Variants in RFX3 observed in about 807,000 individuals in gnomAD.
The protein encoded by RFX3 is transcription factor RFX3.
RFX3 carries 14 observed loss-of-function variants against 98.6 expected under a neutral mutation model. The ratio of observed to expected loss-of-function variants is 0.14; its 90% confidence interval spans 0.09 to 0.22. The LOEUF (loss-of-function observed/expected upper bound fraction) is 0.22. Ranked by LOEUF, RFX3 falls within the 10% of genes least tolerant of loss-of-function variation. The pLI is 1.00. For missense variants in RFX3, 639 were observed against 926.9 expected, an observed-to-expected ratio of 0.69 and a Z score of 4.03; for synonymous variants, 383 against 328.4, an observed-to-expected ratio of 1.17 and a Z score of -1.80.
At chr9:3,374,660 C>T (rs949280522) in intron 2 of RFX3, among the ~76,000 whole-genome samples, 3 of 151,980 alleles carry the variant, frequency 2.0e-5, no homozygotes, top group Non-Finnish European at 4.4e-5. Flanking sequence ...CTAGGGAAGC[C>T]AAATTCATAG....
At chr9:3,248,250 T>A in intron 14 of RFX3, 65 bp from the exon 15 acceptor site, 1 of 1,485,464 alleles carries the variant, frequency 6.7e-7, no homozygotes, top group Non-Finnish European at 8.9e-7. Context: ...TTCTACCTAT[T>A]TTTCCTCTTA....
intron 9 of RFX3, 59 bp from the exon 10 acceptor site, chr9:3,271,177 G>T: frequency 1.4e-6 from 2 of 1,442,540 alleles, no homozygotes; most frequent in South Asian, 2.3e-5. Flanking sequence ...ACTGTGTGAG[G>T]ACAGTCTAAC....
chr9:3,333,820 G>C (rs1832861562), intron 3 of RFX3, among the ~76,000 whole-genome samples: 1 of 152,148 alleles, frequency 6.6e-6, no homozygotes, highest in Admixed American at 6.5e-5. Context: ...CTAGTAAGTA[G>C]ATTTCTCAAA....
intron 6 of RFX3, among the ~76,000 whole-genome samples, chr9:3,292,102 T>TAAAAAAA (rs1827461275): frequency 1.2e-5 from 1 of 84,038 alleles, no homozygotes; most frequent in Admixed American, 1.4e-4. Flanking sequence ...AAAAAAAAAC[T>TAAAAAAA]CTTTACGAAA....
rs369553028 is a variant in RFX3 at position 3,394,880 on chromosome 9, T to A, written c.117+592A>T. ...ATCTTTCCAAACAAGCCAACTGCCC[T>A]GCGTATGAATAAGACCTGTAGTAAA... On this transcript the variant is annotated intron_variant, in intron 2 of 16. Transcript: ENST00000617270. The A allele has an allele frequency of 2.2e-5, 22 of 979,020 alleles. No individual in the cohort carries two copies. The East Asian group carries it at 8.0e-4, about 35-fold the overall frequency. 60.6% of individuals were successfully genotyped at this position (979,020 alleles called of 1,614,324 possible).
intron 3 of RFX3, among the ~76,000 whole-genome samples, chr9:3,342,270 TA>T (rs922518747): frequency 1.6e-4 from 24 of 152,296 alleles, no homozygotes; most frequent in African/African-American, 5.8e-4. Flanking sequence ...TCAGAGCTTT[TA>T]AAAGGGTAAC....
intron 15 of RFX3, among the ~76,000 whole-genome samples, chr9:3,235,074 G>A (rs920076844): frequency 3.0e-4 from 46 of 152,220 alleles, no homozygotes; most frequent in African/African-American, 1.1e-3. Context: ...GTACGCATTC[G>A]TGGATGAAGA....
intron 3 of RFX3, among the ~76,000 whole-genome samples, chr9:3,334,932 A>C (rs13284120): frequency 0.16 from 24,707 of 151,680 alleles, 2,036 homozygotes; most frequent in Middle Eastern, 0.23. Flanking sequence ...CCAGCCTGGC[A>C]AACACGGTGA....
chr9:3,366,722 C>CTTTCTTTCTTTCTTTCTTTCTTTCT (rs1837230485), intron 2 of RFX3, among the ~76,000 whole-genome samples: 1 of 90,758 alleles, frequency 1.1e-5, no homozygotes, highest in African/African-American at 4.3e-5. Context: ...TTCTTTCTTT[C>CTTTCTTTCTTTCTTTCTTTCTTTCT]TTTCTTTCTT....
At chr9:3,276,951 T>A (rs560577484) in intron 8 of RFX3, among the ~76,000 whole-genome samples, 2 of 152,086 alleles carry the variant, frequency 1.3e-5, no homozygotes, top group Middle Eastern at 3.4e-3. Context: ...TTTATAAAAA[T>A]TTTTTTTCTA....
chr9:3,366,703 TTTCTTTCTTTCTTTC>T (rs1244774991), intron 2 of RFX3, among the ~76,000 whole-genome samples: 2 of 118,168 alleles, frequency 1.7e-5, no homozygotes, highest in East Asian at 2.7e-4. Flanking sequence ...CCTTTCTTTC[TTTCTTTCTTTCTTTC>T]TTTCTTTCTT....
At chr9:3,341,356 TAACA>T (rs1833870203) in intron 3 of RFX3, among the ~76,000 whole-genome samples, 1 of 151,850 alleles carries the variant, frequency 6.6e-6, no homozygotes, top group East Asian at 1.9e-4. Context: ...TATACATATG[TAACA>T]AACCTGCACA....
rs1441891734 is a variant in RFX3, at chr9:3,366,702, CTTTCTTTCTTTCTTTCT to C, written c.118-19955_118-19939del. Among the ~76,000 whole-genome samples the C allele has an allele frequency of 7.9e-5, 6 of 76,304 alleles. No individual in the cohort carries two copies. The South Asian group carries it at 1.6e-3, about 20-fold the overall frequency. 50.1% of individuals were successfully genotyped at this position (76,304 alleles called of 152,430 possible). On this transcript the variant is annotated intron_variant, in intron 2 of 16. Coordinates refer to ENST00000617270, the MANE Select transcript of RFX3 (RefSeq NM_001282116.2). ...TCTTTCTTCTTTCTTTCCTTTCTTT[CTTTCTTTCTTTCTTTCT>C]TTCTTTCTTTCTTTCTTTCTTTCTT...
chr9:3,392,726 GAA>G (rs149170854), intron 2 of RFX3, among the ~76,000 whole-genome samples: 1 of 150,612 alleles, frequency 6.6e-6, no homozygotes, highest in African/African-American at 2.4e-5. Context: ...AAGTTTCAGA[GAA>G]AAAAAAATCA....
chr9:3,445,091 A>G (rs146419128), intron 1 of RFX3, among the ~76,000 whole-genome samples: 72 of 152,336 alleles, frequency 4.7e-4, no homozygotes, highest in African/African-American at 1.7e-3. Flanking sequence ...TGAATGGTTT[A>G]AAGTATTTGG....
chr9:3,228,276 T>C (rs963069609), intron 16 of RFX3, among the ~76,000 whole-genome samples: 12 of 152,356 alleles, frequency 7.9e-5, no homozygotes, highest in African/African-American at 2.6e-4. Flanking sequence ...TTGTTGATCT[T>C]GAGGTTCTTC....
At chr9:3,521,131 A>G (rs1380223314) in intron 1 of RFX3, among the ~76,000 whole-genome samples, 1 of 152,226 alleles carries the variant, frequency 6.6e-6, no homozygotes, top group Non-Finnish European at 1.5e-5. Flanking sequence ...ACAATTATTG[A>G]TATGTGCTAA....
chr9:3,455,182 G>C (rs183283105), intron 1 of RFX3, among the ~76,000 whole-genome samples: 112 of 152,304 alleles, frequency 7.4e-4, no homozygotes, highest in African/African-American at 2.4e-3. Context: ...GTAAGGAACA[G>C]ACTTCTTACC....
chr9:3,244,153 C>A (rs1268785954), intron 15 of RFX3, among the ~76,000 whole-genome samples: 1 of 151,998 alleles, frequency 6.6e-6, no homozygotes, highest in East Asian at 1.9e-4. Flanking sequence ...CAGGCACATG[C>A]CACCACGCCC....
Sources: allele counts gnomAD v4.1 joint callset (sites outside exome capture counted in the v4.1 genomes callset), GRCh38; gene constraint gnomAD v4.1.1; transcripts MANE v1.5; gene names NCBI Gene and HGNC (gene_info 2026-07-23, HGNC 2026-07-21).